KIAA1217: variants seen among roughly 807,000 people sequenced by gnomAD.
The protein encoded by KIAA1217 is sickle tail protein homolog.
KIAA1217 carries 88 observed loss-of-function variants against 163.9 expected under a neutral mutation model. That is an observed-to-expected ratio of 0.54 (90% confidence interval 0.45 to 0.64). KIAA1217 has a LOEUF of 0.64. KIAA1217 is among the 30% of genes least tolerant of loss of function. KIAA1217 has a pLI of 0.00. For synonymous variants in KIAA1217, 903 were observed against 923.1 expected (o/e 0.98, Z 0.39); for missense variants, 2,372 against 2,475.0 (o/e 0.96, Z 0.88).
intron 1 of KIAA1217, among the ~76,000 whole-genome samples, chr10:23,907,328 G>T (rs927604944): frequency 2.0e-5 from 3 of 151,730 alleles, no homozygotes; most frequent in Admixed American, 2.0e-4. Flanking sequence ...GTATGAGAGA[G>T]AGAGAGATGG....
At chr10:24,033,766 C>A (rs1848284218) in intron 2 of KIAA1217, among the ~76,000 whole-genome samples, 1 of 152,198 alleles carries the variant, frequency 6.6e-6, no homozygotes, top group Non-Finnish European at 1.5e-5. Flanking sequence ...CAAAGTACTA[C>A]CAAATCTGTC....
At chr10:24,434,964 A>C (rs1009490861) in intron 4 of KIAA1217, among the ~76,000 whole-genome samples, 1 of 152,230 alleles carries the variant, frequency 6.6e-6, no homozygotes, top group Non-Finnish European at 1.5e-5. Flanking sequence ...TCCCTCACCA[A>C]ATCACTGGAG....
At chr10:24,529,382 C>T (rs2072755055) in intron 14 of KIAA1217, among the ~76,000 whole-genome samples, 1 of 152,158 alleles carries the variant, frequency 6.6e-6, no homozygotes, top group Admixed American at 6.5e-5. Context: ...CTCTACATTA[C>T]TTATGATACC....
At chr10:23,897,806 T>C (rs1841771800) in intron 1 of KIAA1217, among the ~76,000 whole-genome samples, 1 of 151,648 alleles carries the variant, frequency 6.6e-6, no homozygotes, top group Non-Finnish European at 1.5e-5. Context: ...AGGTTTTATA[T>C]AAAATGTAAA....
At chr10:24,049,495 T>C (rs542945699) in intron 2 of KIAA1217, among the ~76,000 whole-genome samples, 1 of 152,298 alleles carries the variant, frequency 6.6e-6, no homozygotes, top group African/African-American at 2.4e-5. Context: ...GCCATGGTGA[T>C]TTGCTGCACC....
At chr10:24,453,290 A>G (rs186466424) in intron 5 of KIAA1217, among the ~76,000 whole-genome samples, 67 of 152,310 alleles carry the variant, frequency 4.4e-4, no homozygotes, top group Admixed American at 4.3e-3. Flanking sequence ...TCTCTTAGCC[A>G]TCTTTTGTGG....
chr10:24,464,976 G>A (rs2062789647), intron 5 of KIAA1217, among the ~76,000 whole-genome samples: 1 of 152,152 alleles, frequency 6.6e-6, no homozygotes, highest in African/African-American at 2.4e-5. Context: ...ATGTCTGTTA[G>A]CACACCTCAC....
At chr10:24,081,977 A>G (rs1042485410) in intron 2 of KIAA1217, among the ~76,000 whole-genome samples, 8 of 152,220 alleles carry the variant, frequency 5.3e-5, no homozygotes, top group African/African-American at 1.7e-4. Flanking sequence ...CAAGTCTACT[A>G]GAGGCACAAT....
At chr10:24,394,155 C>G (rs1238636645) in intron 3 of KIAA1217, among the ~76,000 whole-genome samples, 2 of 152,176 alleles carry the variant, frequency 1.3e-5, no homozygotes, top group Non-Finnish European at 2.9e-5. Flanking sequence ...TTCTCAAGCC[C>G]CATCCTCAAA....
At chr10:24,302,931 A>G (rs962338087) in intron 2 of KIAA1217, among the ~76,000 whole-genome samples, 4 of 152,220 alleles carry the variant, frequency 2.6e-5, no homozygotes, top group Admixed American at 1.3e-4. Flanking sequence ...GGGGTGGGAC[A>G]TAGTCAAGGT....
At chr10:24,330,314 A>AG (rs2045507989) in intron 2 of KIAA1217, among the ~76,000 whole-genome samples, 1 of 151,908 alleles carries the variant, frequency 6.6e-6, no homozygotes, top group Non-Finnish European at 1.5e-5. Context: ...AAAAAAAAAA[A>AG]AAAGAATAGG....
At chr10:23,704,923 C>T (rs1464710000) in intron 1 of KIAA1217, among the ~76,000 whole-genome samples, 5 of 152,100 alleles carry the variant, frequency 3.3e-5, no homozygotes, top group African/African-American at 1.2e-4. Flanking sequence ...TTCTTGCTGT[C>T]AATATGAGGG....
rs768277495 is a variant in KIAA1217 at position 24,219,713 on chromosome 10, G to A, written c.158G>A (p.Arg53His). ...GAACGCCTTTCTAATGGAAACAGTC[G>A]TGGTTCAGTTTCCAAGTCTTCCCGC... ...TKERLSNGNSRGSVSKSSRNI... is the reference protein window; with the variant it reads ...TKERLSNGNSHGSVSKSSRNI... The change falls in exon 2 of 21, where the codon CGT becomes CAT. Residue 53 changes from arginine (R) to histidine (H), a missense_variant. Physicochemically the swap from Arg to His is conservative, Grantham distance 29. Around this residue, in one of 3 missense-constraint regions of KIAA1217, gnomAD observed 1,431 missense variants for 1,470.3 expected, o/e 0.97. Coordinates refer to ENST00000376454, the MANE Select transcript of KIAA1217 (RefSeq NM_019590.5). 9 of 1,613,930 alleles carry A rather than the reference G, an allele frequency of 5.6e-6. No individual in the cohort carries two copies. The East Asian group carries it at 8.9e-5, about 16-fold the overall frequency.
intron 2 of KIAA1217, among the ~76,000 whole-genome samples, chr10:24,089,920 T>C (rs2061859647): frequency 1.3e-5 from 2 of 151,922 alleles, no homozygotes; most frequent in South Asian, 4.1e-4. Context: ...AATGACTTTC[T>C]TCACAGAGTT....
intron 1 of KIAA1217, among the ~76,000 whole-genome samples, chr10:23,720,965 C>A (rs550751938): frequency 6.6e-6 from 1 of 152,192 alleles, no homozygotes; most frequent in Non-Finnish European, 1.5e-5. Context: ...CCACTGACAC[C>A]TTTGTAACTT....
At chr10:24,484,498 C>T (rs1041295641) in intron 6 of KIAA1217, among the ~76,000 whole-genome samples, 2 of 151,784 alleles carry the variant, frequency 1.3e-5, no homozygotes, top group Non-Finnish European at 2.9e-5. Flanking sequence ...CCGCCCACCT[C>T]GGCCTCCCAA....
intron 1 of KIAA1217, among the ~76,000 whole-genome samples, chr10:24,215,127 C>T (rs2068649512): frequency 6.6e-6 from 1 of 152,214 alleles, no homozygotes; most frequent in Non-Finnish European, 1.5e-5. Context: ...AGCCTGGGAG[C>T]TCCTTGGATT....
intron 2 of KIAA1217, among the ~76,000 whole-genome samples, chr10:24,062,367 C>T (rs2060760647): frequency 6.8e-6 from 1 of 146,930 alleles, no homozygotes; most frequent in African/African-American, 2.5e-5. Flanking sequence ...CAACTCCCAC[C>T]TATGAGTGAG....
At chr10:24,008,128 T>C (rs1195133873) in intron 2 of KIAA1217, among the ~76,000 whole-genome samples, 2 of 152,004 alleles carry the variant, frequency 1.3e-5, no homozygotes, top group African/African-American at 4.8e-5. Context: ...ATGTAAAATT[T>C]TGGTATTTAA....
Sources: gnomAD v4.1 joint callset for allele counts (sites outside exome capture counted in the v4.1 genomes callset) on GRCh38, gnomAD v4.1.1 for gene constraint, gnomAD v4.1.1 regional missense constraint, MANE v1.5 for transcripts, NCBI Gene and HGNC (gene_info 2026-07-23, HGNC 2026-07-21) for gene names.